MGME1: variants seen among roughly 807,000 people sequenced by gnomAD.
The protein encoded by MGME1 is mitochondrial genome maintenance exonuclease 1.
Under a neutral mutation model 33.0 loss-of-function variants are expected in MGME1, and 22 were observed. That is an observed-to-expected ratio of 0.67 (90% CI 0.48 to 0.95). The LOEUF (loss-of-function observed/expected upper bound fraction) is 0.95. MGME1 is among the 40% of genes least tolerant of loss of function. The pLI is 0.00. For missense variants in MGME1, 383 were observed against 397.8 expected, an observed-to-expected ratio of 0.96 and a Z score of 0.32; for synonymous variants, 133 against 144.0, an observed-to-expected ratio of 0.92 and a Z score of 0.55.
In MGME1 at chr20:17,989,981, C is replaced by G. The variant is rs2036252722; in HGVS notation, c.907C>G (p.Pro303Ala). Residue 303 changes from proline to alanine, a missense_variant, in exon 5 of 5, where the codon CCT (proline) becomes GCT (alanine). Transcript: ENST00000377710. Reference protein sequence around the residue: ...LIVVAYKDGSPAHPHFMDAEL... With the variant: ...LIVVAYKDGSAAHPHFMDAEL... ...TGTGGTGGCCTACAAAGATGGATCA[C>G]CTGCCCACCCACATTTCATGGATGC... The G allele has an allele frequency of 6.2e-7, 1 of 1,614,196 alleles. No homozygotes were observed.
chr20:17,972,758 T>G (rs2035761178), intron 2 of MGME1: 1 of 985,320 alleles, frequency 1.0e-6, no homozygotes, highest in South Asian at 4.7e-5. Flanking sequence ...AGGGGTAAGT[T>G]TGCAGCGAGA....
At chr20:17,975,650 T>C (rs769762183) in intron 2 of MGME1, 34 bp from the exon 3 acceptor site, 8 of 1,503,858 alleles carry the variant, frequency 5.3e-6, no homozygotes, top group Non-Finnish European at 7.4e-6. Context: ...TGTTTGTGTT[T>C]CCCCCCTCCC....
chr20:17,989,872 G>A (rs2036248679), intron 4 of MGME1, 67 bp from the exon 5 acceptor site: 2 of 1,475,452 alleles, frequency 1.4e-6, no homozygotes, highest in Non-Finnish European at 1.9e-6. Flanking sequence ...CCTGGAGTAA[G>A]AAGGAAACGA....
At position 17,990,030 on chromosome 20, in the gene MGME1, C is replaced by T. The variant is rs773391446; in HGVS notation, c.956C>T (p.Thr319Ile). ...GCAGAGCTCTGTTCCCAGTACTGGACCAAGTGGCTTCTTCGACTAGAAGAA... is the reference window on the plus strand; with the variant it reads ...GCAGAGCTCTGTTCCCAGTACTGGATCAAGTGGCTTCTTCGACTAGAAGAA... ...MDAELCSQYWTKWLLRLEEYT... is the reference protein window; with the variant it reads ...MDAELCSQYWIKWLLRLEEYT... Residue 319 changes from threonine to isoleucine, a missense_variant, in exon 5 of 5, where the codon ACC (threonine) becomes ATC (isoleucine). Coordinates refer to ENST00000377710, the MANE Select transcript of MGME1 (RefSeq NM_052865.4). 1.8e-4 allele frequency: 294 copies of T among 1,613,886 alleles called. 1 individual carries two copies. Among genetic ancestry groups the T allele is most frequent in the Non-Finnish European group, 2.4e-4 (287 of 1,179,874 alleles).
At chr20:17,981,680 T>TGTGTGTCA (rs2036025233) in intron 3 of MGME1, among the ~76,000 whole-genome samples, 1 of 150,192 alleles carries the variant, frequency 6.7e-6, no homozygotes, top group African/African-American at 2.5e-5. Context: ...TGTGTGTGTG[T>TGTGTGTCA]GTGTGTCAGA....
chr20:17,977,020 T>C (rs2035886722), intron 3 of MGME1, among the ~76,000 whole-genome samples: 2 of 151,910 alleles, frequency 1.3e-5, no homozygotes, highest in South Asian at 4.2e-4. Flanking sequence ...AGAGTCCAAG[T>C]GTTACAGGAA....
In MGME1 at chr20:17,975,686, G is replaced by T; in HGVS notation, c.514G>T (p.Val172Phe). 6 of 1,610,280 alleles carry T rather than the reference G, an allele frequency of 3.7e-6. No homozygotes were observed. Among genetic ancestry groups the T allele is most frequent in the Non-Finnish European group, 5.1e-6 (6 of 1,177,390 alleles). The change falls in exon 3 of 5, where the codon GTC becomes TTC. Residue 172 changes from valine (V) to phenylalanine (F), a missense_variant and splice_region_variant. By Grantham distance (50) the Val-to-Phe change is conservative (BLOSUM62 -1). Coordinates refer to ENST00000377710, the MANE Select transcript of MGME1 (RefSeq NM_052865.4). ...CTTTTCCCTGATTTTCTTTTCAGACGTCTTTTTACAAGGGAAACGGTTCCA... is the reference window on the plus strand; with the variant it reads ...CTTTTCCCTGATTTTCTTTTCAGACTTCTTTTTACAAGGGAAACGGTTCCA... ...EDGFKEYTSN[V>F]FLQGKRFHEA...
intron 2 of MGME1, chr20:17,972,810 T>C (rs1230425856): frequency 1.0e-6 from 1 of 982,356 alleles, no homozygotes; most frequent in African/African-American, 1.7e-5. Flanking sequence ...AGTTTTTTTC[T>C]TCCTGTTTTT....
At chr20:17,973,943 TTAAA>T (rs1443501550) in intron 2 of MGME1, among the ~76,000 whole-genome samples, 1 of 152,062 alleles carries the variant, frequency 6.6e-6, no homozygotes, top group Non-Finnish European at 1.5e-5. Flanking sequence ...GGTTTGAAAA[TTAAA>T]TAATGTTTTG....
intron 3 of MGME1, among the ~76,000 whole-genome samples, chr20:17,979,510 C>T (rs866128724): frequency 6.6e-5 from 10 of 150,902 alleles, no homozygotes; most frequent in Non-Finnish European, 1.5e-4. Flanking sequence ...CTCGGGTTCA[C>T]GCCATTCTCC....
Position 17,970,091 on chromosome 20 carries a change from C to T in MGME1, c.232C>T (p.Leu78Phe). ...GGGATCGGTGGAGGAAGATGCTTTG[C>T]TCTGTGGACCCGTGAGCAAGCATAA... Reference protein sequence around the residue: ...TPGSVEEDALLCGPVSKHKLP... With the variant: ...TPGSVEEDALFCGPVSKHKLP... The change falls in exon 2 of 5, where the codon CTC becomes TTC. Residue 78 changes from leucine (L) to phenylalanine (F), a missense_variant. Coordinates refer to ENST00000377710, the MANE Select transcript of MGME1 (RefSeq NM_052865.4). 1.9e-6 allele frequency: 3 copies of T among 1,614,226 alleles called. No individual in the cohort carries two copies. The highest frequency in any genetic ancestry group is 1.7e-6 in the Non-Finnish European group (2 of 1,180,046).
At chr20:17,975,419 C>T (rs949162980) in intron 2 of MGME1, among the ~76,000 whole-genome samples, 1 of 151,802 alleles carries the variant, frequency 6.6e-6, no homozygotes, top group Non-Finnish European at 1.5e-5. Context: ...TAGCCAGGCA[C>T]GGTGGCGGGC....
At chr20:17,979,048 G>T (rs963973909) in intron 3 of MGME1, among the ~76,000 whole-genome samples, 2 of 151,948 alleles carry the variant, frequency 1.3e-5, no homozygotes, top group African/African-American at 4.8e-5. Context: ...AAAGTGCTGG[G>T]ATTGTAAGTG....
chr20:17,985,996 A>T (rs1303093594), intron 3 of MGME1, among the ~76,000 whole-genome samples: 1 of 151,986 alleles, frequency 6.6e-6, no homozygotes, highest in Non-Finnish European at 1.5e-5. Context: ...TGCTTTGGCT[A>T]TTCGGAGTCT....
At chr20:17,980,665 C>G (rs1233511239) in intron 3 of MGME1, among the ~76,000 whole-genome samples, 2 of 151,884 alleles carry the variant, frequency 1.3e-5, no homozygotes, top group African/African-American at 2.4e-5. Flanking sequence ...AAAAGTTAGC[C>G]AGGCATGGTG....
rs2036272116 is a variant in MGME1 at position 17,990,418 on chromosome 20, G to GGGGGA, written c.*313_*314insAGGGG. 1 of 334,348 alleles carries GGGGGA rather than the reference G, an allele frequency of 3.0e-6. No homozygotes were observed. The highest frequency in any genetic ancestry group is 5.5e-6 in the Non-Finnish European group (1 of 180,252). 20.7% of individuals were successfully genotyped at this position (334,348 alleles called of 1,614,324 possible). On this transcript the variant is annotated 3_prime_UTR_variant, in exon 5 of 5. Transcript: ENST00000377710. ...ACTCCCTTGAGGGACATTGGGGGGG[G>GGGGGA]GGGGGCGTGGTCCCAGGCAGGATGC...
intron 2 of MGME1, chr20:17,972,763 G>T (rs1160397658): frequency 1.0e-6 from 1 of 985,262 alleles, no homozygotes; most frequent in African/African-American, 1.7e-5. Context: ...TAAGTTTGCA[G>T]CGAGAAATGT....
chr20:17,979,216 A>G (rs1350811699), intron 3 of MGME1, among the ~76,000 whole-genome samples: 1 of 151,338 alleles, frequency 6.6e-6, no homozygotes, highest in Non-Finnish European at 1.5e-5. Flanking sequence ...AGTTGGGACC[A>G]CAGATGCGAA....
rs6045123 is a variant in MGME1 at position 17,979,711 on chromosome 20, G to A, written c.731+3808G>A. The stretch of plus-strand genomic sequence containing the variant: ...GATTACAGGTGTGAGCCACCGCACC[G>A]GGCCTAATAATTTTTTATTTTATTT... On this transcript the variant is annotated intron_variant, in intron 3 of 4. Transcript: ENST00000377710. Among the ~76,000 whole-genome samples the A allele has an allele frequency of 7.1e-3, 1,074 of 150,590 alleles. 13 individuals carry two copies. The highest frequency in any genetic ancestry group is 0.024 in the African/African-American group (997 of 41,076).
Sources: allele counts gnomAD v4.1 joint callset (sites outside exome capture counted in the v4.1 genomes callset), GRCh38; gene constraint gnomAD v4.1.1; transcripts MANE v1.5; gene names NCBI Gene and HGNC (gene_info 2026-07-23, HGNC 2026-07-21).